The following MYO1C variants were observed in gnomAD, a reference collection of about 807,000 sequenced individuals.
The protein encoded by MYO1C is myosin IC.
MYO1C carries 104 observed loss-of-function variants against 150.8 expected under a neutral mutation model. That is an observed-to-expected ratio of 0.69 (90% confidence interval 0.59 to 0.81). The LOEUF (loss-of-function observed/expected upper bound fraction) is 0.81, where lower values mean the gene tolerates loss of function less well. MYO1C is among the 30% of genes least tolerant of loss of function. MYO1C has a pLI of 0.00. For synonymous variants in MYO1C, 663 were observed against 579.9 expected, an observed-to-expected ratio of 1.14 and a Z score of -2.06; for missense variants, 1,504 against 1,435.0, an observed-to-expected ratio of 1.05 and a Z score of -0.78.
chr17:1,472,107 C>G lies in MYO1C; in HGVS notation c.1903+16G>C. 1 of 1,613,716 alleles carries G rather than the reference C, an allele frequency of 6.2e-7. No individual in the cohort carries two copies. Among genetic ancestry groups the G allele is most frequent in the Non-Finnish European group, 8.5e-7 (1 of 1,179,742 alleles). ...GGGGAGGCCCGGCCCCGAAGTCCCC[C>G]GTGGGAGGGGCCTACCGGGCTGTTT... On this transcript the variant is annotated intron_variant, in intron 18 of 31. Coordinates refer to ENST00000648651, the MANE Select transcript of MYO1C (RefSeq NM_001080779.2).
At chr17:1,475,868 T>G (rs2074394416) in intron 14 of MYO1C, among the ~76,000 whole-genome samples, 1 of 152,038 alleles carries the variant, frequency 6.6e-6, no homozygotes, top group Non-Finnish European at 1.5e-5. Flanking sequence ...TCAGAACCGC[T>G]CCAGGAAGTG....
chr17:1,478,815 G>A lies in MYO1C; in HGVS notation c.1093-80C>T. On this transcript the variant is annotated intron_variant, in intron 9 of 31. Coordinates refer to ENST00000648651, the MANE Select transcript of MYO1C (RefSeq NM_001080779.2). The surrounding 1 kb of genome is among the most constrained non-coding windows in gnomAD (Gnocchi z 6.3). ...CCTGCTCCCAGGCTCAGGCAGACCA[G>A]GAAGCCGCCACCACTCTGCACTCCC... 6.3e-7 allele frequency: 1 copy of A among 1,596,470 alleles called. No individual in the cohort carries two copies. The highest frequency in any genetic ancestry group is 1.1e-5 in the South Asian group (1 of 90,268).
At chr17:1,484,909 G>C (rs925283910) in intron 1 of MYO1C, 50 of 435,386 alleles carry the variant, frequency 1.1e-4, no homozygotes, top group Non-Finnish European at 1.6e-4. Flanking sequence ...CCGGTAGAGC[G>C]TCGAGCACCA....
chr17:1,466,980 ACTC>A (rs200769638), intron 31 of MYO1C, among the ~76,000 whole-genome samples: 1,637 of 150,468 alleles, frequency 0.011, 92 homozygotes, highest in Admixed American at 0.099. Context: ...CTGGTTTCAA[ACTC>A]CTGGCCTCTG....
chr17:1,481,137 G>A (rs552331620), intron 5 of MYO1C: 2 of 540,208 alleles, frequency 3.7e-6, no homozygotes, highest in Admixed American at 6.3e-5. Context: ...AAATTCAACA[G>A]GCCTGAAGCT....
At chr17:1,474,521 C>A in intron 17 of MYO1C, 89 bp downstream of exon 17, 1 of 1,377,670 alleles carries the variant, frequency 7.3e-7, no homozygotes, top group Non-Finnish European at 1.0e-6. Flanking sequence ...CACGCGTTCA[C>A]ACGCACGCTG....
intron 30 of MYO1C, 47 bp downstream of exon 30, chr17:1,467,433 C>T (rs779892944): frequency 2.1e-5 from 34 of 1,601,620 alleles, no homozygotes; most frequent in Non-Finnish European, 2.9e-5. Flanking sequence ...GCCCACACAG[C>T]CCCCTCGCCA....
rs1479950722 is a variant in MYO1C at position 1,481,820 on chromosome 17, CAG to C, written c.627+656_627+657del. The stretch of plus-strand genomic sequence containing the variant: ...CCAGCCCGATGACTCCCCTTCTACT[CAG>C]AGTTAAAAAAAAAAAAAAAAAGTTC... On this transcript the variant is annotated intron_variant, in intron 5 of 31. Coordinates refer to ENST00000648651, the MANE Select transcript of MYO1C (RefSeq NM_001080779.2). Among the ~76,000 whole-genome samples, 275 of 97,934 alleles carry C rather than the reference CAG, an allele frequency of 2.8e-3. 3 individuals carry two copies. The highest frequency in any genetic ancestry group is 4.0e-4 in the Non-Finnish European group (20 of 50,432). The allele number at this position is 97,934 out of a possible 152,430, so 64.2% of individuals were successfully genotyped here.
chr17:1,467,141 G>A, intron 31 of MYO1C, 101 bp downstream of exon 31: 2 of 1,108,030 alleles, frequency 1.8e-6, no homozygotes, highest in South Asian at 2.7e-5. Flanking sequence ...ATGGCCTCTG[G>A]ATGAAGGCCC....
At chr17:1,473,673 G>A (rs924575764) in intron 17 of MYO1C, among the ~76,000 whole-genome samples, 2 of 152,098 alleles carry the variant, frequency 1.3e-5, no homozygotes, top group Non-Finnish European at 2.9e-5. Flanking sequence ...CCTGCATCTG[G>A]CACCCTGGCC....
intron 1 of MYO1C, among the ~76,000 whole-genome samples, chr17:1,486,705 G>T (rs527641223): frequency 6.6e-6 from 1 of 152,234 alleles, no homozygotes; most frequent in East Asian, 1.9e-4. Flanking sequence ...TAGTAGAGAC[G>T]GGGTTTTACC....
chr17:1,479,483 G>C lies in MYO1C; in HGVS notation c.1040C>G (p.Ser347Trp). Reference sequence around the variant, plus strand: ...GTGTGTCAGGGCTTCTCGCAGCGTCGAGCCTTCCACGCTGAGGAGCTGCCA... The same window carrying C: ...GTGTGTCAGGGCTTCTCGCAGCGTCCAGCCTTCCACGCTGAGGAGCTGCCA... The part of the protein sequence containing the change: ...YLTRLLSVEG[S>W]TLREALTHRK... Residue 347 changes from serine to tryptophan, a missense_variant, in exon 9 of 32, where the codon TCG (serine) becomes TGG (tryptophan). Physicochemically the swap from Ser to Trp is radical, Grantham distance 177. Transcript: ENST00000648651. This position sits in a 1 kb window ranked among gnomAD's most constrained non-coding sequence, Gnocchi z 4.2. The C allele has an allele frequency of 1.3e-6, 2 of 1,521,956 alleles. No homozygotes were observed. The highest frequency in any genetic ancestry group is 1.8e-6 in the Non-Finnish European group (2 of 1,121,000). The allele number at this position is 1,521,956 out of a possible 1,614,324, so 94.3% of individuals were successfully genotyped here. A position where few individuals can be genotyped will look rare whatever the true frequency, so the allele number is the denominator to read the frequency against.
chr17:1,479,553 C>T lies in MYO1C; in HGVS notation c.1020+39G>A, dbSNP rs1259000305. ...TGAGGGTGCACCCCCAGCCCCCGCCCCCGCCGTCCTCCCGTCGCCCTCTGC... is the reference window on the plus strand; with the variant it reads ...TGAGGGTGCACCCCCAGCCCCCGCCTCCGCCGTCCTCCCGTCGCCCTCTGC... On this transcript the variant is annotated intron_variant, in intron 8 of 31. Coordinates refer to ENST00000648651, the MANE Select transcript of MYO1C (RefSeq NM_001080779.2). This position sits in a 1 kb window ranked among gnomAD's most constrained non-coding sequence, Gnocchi z 4.2. 2.9e-6 allele frequency: 4 copies of T among 1,401,200 alleles called. No homozygotes were observed. Among genetic ancestry groups the T allele is most frequent in the Non-Finnish European group, 1.0e-6 (1 of 1,001,918 alleles). The allele number at this position is 1,401,200 out of a possible 1,614,324, so 86.8% of individuals were successfully genotyped here. A position where few individuals can be genotyped will look rare whatever the true frequency, so the allele number is the denominator to read the frequency against.
In MYO1C at chr17:1,492,541, G is replaced by C; in HGVS notation, c.-54C>G. On this transcript the variant is annotated 5_prime_UTR_variant, in exon 1 of 32. Coordinates refer to ENST00000648651, the MANE Select transcript of MYO1C (RefSeq NM_001080779.2). ...GCACCGCGGCCTGTGAGCAAGAGCTGCCTGCCCACTGGCGGGCTCCGACCA... is the reference window on the plus strand; with the variant it reads ...GCACCGCGGCCTGTGAGCAAGAGCTCCCTGCCCACTGGCGGGCTCCGACCA... 6.5e-7 allele frequency: 1 copy of C among 1,528,396 alleles called. No individual in the cohort carries two copies. The highest frequency in any genetic ancestry group is 8.9e-7 in the Non-Finnish European group (1 of 1,124,266). 94.7% of individuals were successfully genotyped at this position (1,528,396 alleles called of 1,614,324 possible).
In MYO1C at chr17:1,478,043, G is replaced by C. The variant is rs765457966; in HGVS notation, c.1401+44C>G. The C allele has an allele frequency of 6.2e-6, 10 of 1,611,482 alleles. No individual in the cohort carries two copies. In the Admixed American group the frequency reaches 1.7e-4, roughly 27 times the overall value. On this transcript the variant is annotated intron_variant, in intron 12 of 31. Transcript: ENST00000648651. This position sits in a 1 kb window ranked among gnomAD's most constrained non-coding sequence, Gnocchi z 6.3. ...CCTCTCCCAGGGGCCCCGATACCCA[G>C]GCTCCCCGTGGCCCACGGAGAGTGC... is the stretch of plus-strand genomic sequence containing the variant.
rs765692972 is a variant in MYO1C at position 1,477,941 on chromosome 17, T to C, written c.1432A>G (p.Ile478Val). The C allele has an allele frequency of 1.9e-6, 3 of 1,614,114 alleles. No individual in the cohort carries two copies. The highest frequency in any genetic ancestry group is 1.7e-6 in the Non-Finnish European group (2 of 1,179,988). Residue 478 changes from isoleucine to valine, a missense_variant, in exon 13 of 32, where the codon ATC (isoleucine) becomes GTC (valine). Transcript: ENST00000648651. ...TTCTCCTCCACCAGATCACAGATGATTTTGTTGTTGAAATACTGGACGGGC... is the reference window on the plus strand; with the variant it reads ...TTCTCCTCCACCAGATCACAGATGACTTTGTTGTTGAAATACTGGACGGGC... ...WEPVQYFNNK[I>V]ICDLVEEKFK...
intron 1 of MYO1C, chr17:1,485,765 T>TCGG: frequency 9.5e-7 from 1 of 1,049,614 alleles, no homozygotes; most frequent in Non-Finnish European, 1.1e-6. Context: ...GGTCCCGGGC[T>TCGG]CGGCGGCGGT....
Position 1,472,114 on chromosome 17 carries a change from G to A in MYO1C, c.1903+9C>T, listed in dbSNP as rs1192904933. On this transcript the variant is annotated intron_variant, in intron 18 of 31. Transcript: ENST00000648651. ...CCCGGCCCCGAAGTCCCCCGTGGGA[G>A]GGGCCTACCGGGCTGTTTGGCATCA... The A allele has an allele frequency of 1.9e-6, 3 of 1,613,842 alleles. No homozygotes were observed. The highest frequency in any genetic ancestry group is 2.5e-6 in the Non-Finnish European group (3 of 1,179,886).
chr17:1,465,689 A>C lies in MYO1C; in HGVS notation c.*37T>G. The stretch of plus-strand genomic sequence containing the variant: ...GGGAAGGGGAGGAGGAGAAAAGCAA[A>C]GCATTGGGCGTTGGGAGGGTCCAGT... On this transcript the variant is annotated 3_prime_UTR_variant, in exon 32 of 32. Transcript: ENST00000648651. The C allele has an allele frequency of 7.5e-7, 1 of 1,329,302 alleles. No homozygotes were observed. Among genetic ancestry groups the C allele is most frequent in the East Asian group, 2.8e-5 (1 of 35,720 alleles). 82.3% of individuals were successfully genotyped at this position (1,329,302 alleles called of 1,614,324 possible).
Sources: gnomAD v4.1 joint callset for allele counts (sites outside exome capture counted in the v4.1 genomes callset) on GRCh38, gnomAD v4.1.1 for gene constraint, Gnocchi (gnomAD v3.1) non-coding constraint, MANE v1.5 for transcripts, NCBI Gene and HGNC (gene_info 2026-07-23, HGNC 2026-07-21) for gene names.